Variants in PDILT observed in about 807,000 individuals in gnomAD.
PDILT encodes protein disulfide isomerase like, testis expressed.
In PDILT, 43 loss-of-function variants were observed where a neutral mutation model predicts 53.7. That is an observed-to-expected ratio of 0.80 (90% CI 0.63 to 1.03). PDILT has a LOEUF of 1.03. Ranked by LOEUF, PDILT falls within the 50% of genes least tolerant of loss-of-function variation. PDILT has a pLI of 0.00. For missense variants in PDILT, 727 were observed against 712.3 expected (o/e 1.02, Z -0.24); for synonymous variants, 282 against 274.2 (o/e 1.03, Z -0.28).
At chr16:20,395,199 G>A (rs958054096) in intron 2 of PDILT, among the ~76,000 whole-genome samples, 1 of 152,050 alleles carries the variant, frequency 6.6e-6, no homozygotes, top group Admixed American at 6.6e-5. Flanking sequence ...ACCTCCTTTT[G>A]TTTTGCTTTC....
At chr16:20,393,218 T>C (rs1282929557) in intron 2 of PDILT, among the ~76,000 whole-genome samples, 1 of 152,164 alleles carries the variant, frequency 6.6e-6, no homozygotes, top group Non-Finnish European at 1.5e-5. Flanking sequence ...CTAGTGTGGA[T>C]GAGGGATGTG....
At chr16:20,377,070 G>A (rs1966397869) in intron 3 of PDILT, among the ~76,000 whole-genome samples, 1 of 152,118 alleles carries the variant, frequency 6.6e-6, no homozygotes, top group Admixed American at 6.6e-5. Context: ...GAATCACTTG[G>A]GGCCAGGAGT....
At position 20,381,634 on chromosome 16, in the gene PDILT, CAAAAAAAAAAAAA is replaced by C. The variant is rs1034720000; in HGVS notation, c.409+2998_409+3010del. Among the ~76,000 whole-genome samples, 7 of 58,620 alleles carry C rather than the reference CAAAAAAAAAAAAA, an allele frequency of 1.2e-4. No homozygotes were observed. The East Asian group carries it at 4.3e-3, about 36-fold the overall frequency. The allele number at this position is 58,620 out of a possible 152,430, so 38.5% of individuals were successfully genotyped here. On this transcript the variant is annotated intron_variant, in intron 3 of 11. Transcript: ENST00000302451. ...CTGGCAAAACAGTGAGACTCCATCTCAAAAAAAAAAAAAAAAAAAAAGAGAAATTGGAAGCCTG... is the reference window on the plus strand; with the variant it reads ...CTGGCAAAACAGTGAGACTCCATCTCAAAAAAAAGAGAAATTGGAAGCCTG...
At chr16:20,362,608 G>A in intron 9 of PDILT, 26 bp from the exon 10 acceptor site, 1 of 1,610,850 alleles carries the variant, frequency 6.2e-7, no homozygotes, top group Non-Finnish European at 8.5e-7. Context: ...CATGGCTCAG[G>A]CTCACATTGA....
At chr16:20,383,462 C>T (rs1180627720) in intron 3 of PDILT, among the ~76,000 whole-genome samples, 1 of 132,588 alleles carries the variant, frequency 7.5e-6, no homozygotes, top group African/African-American at 2.7e-5. Flanking sequence ...CATCTCTTCT[C>T]TGGCGCCCGC....
intron 1 of PDILT, among the ~76,000 whole-genome samples, chr16:20,399,661 T>A (rs1039643271): frequency 6.6e-6 from 1 of 151,780 alleles, no homozygotes; most frequent in Non-Finnish European, 1.5e-5. Context: ...CCTCTGGATC[T>A]CAGAGATAAC....
At chr16:20,402,996 C>T (rs1966762504) in intron 1 of PDILT, among the ~76,000 whole-genome samples, 1 of 152,236 alleles carries the variant, frequency 6.6e-6, no homozygotes, top group Non-Finnish European at 1.5e-5. Flanking sequence ...ACATCAGCTC[C>T]CTACCCCCTA....
intron 9 of PDILT, among the ~76,000 whole-genome samples, chr16:20,363,941 G>A (rs1966151623): frequency 6.6e-6 from 1 of 152,088 alleles, no homozygotes; most frequent in African/African-American, 2.4e-5. Flanking sequence ...AGAGCTCAAA[G>A]CTCAGTTTCT....
rs539799189 is a variant in PDILT at position 20,359,552 on chromosome 16, G to A, written c.1522C>T (p.Gln508Ter). 2 of 1,613,848 alleles carry A rather than the reference G, an allele frequency of 1.2e-6. No homozygotes were observed. Among genetic ancestry groups the A allele is most frequent in the South Asian group, 2.2e-5 (2 of 91,036 alleles). The change falls in exon 12 of 12, where the codon CAA (glutamine) becomes TAA (stop). Residue 508 changes from glutamine (Q) to a stop codon, truncating the protein, a stop_gained. Transcript: ENST00000302451. LOFTEE classifies it low-confidence loss of function (END_TRUNC). ...ACTTCCTCTTCTATCACTTCATTTT[G>A]CTCAACAGACAACAGCTATGAAAGC... is the stretch of plus-strand genomic sequence containing the variant. Reference protein sequence around the residue: ...EDEDELLSVEQNEVIEEEVLA... With the variant: ...EDEDELLSVE
chr16:20,376,220 A>T lies in PDILT; in HGVS notation c.410-19T>A. On this transcript the variant is annotated intron_variant, in intron 3 of 11. Coordinates refer to ENST00000302451, the MANE Select transcript of PDILT (RefSeq NM_174924.2). ...ACCACTCCTGGAGAAAGACACAGTCAAATAGATACCAGAGAAGTTTCCTCT... is the reference window on the plus strand; with the variant it reads ...ACCACTCCTGGAGAAAGACACAGTCTAATAGATACCAGAGAAGTTTCCTCT... 6.2e-7 allele frequency: 1 copy of T among 1,613,572 alleles called. No individual in the cohort carries two copies. Among genetic ancestry groups the T allele is most frequent in the Non-Finnish European group, 8.5e-7 (1 of 1,179,710 alleles).
intron 7 of PDILT, among the ~76,000 whole-genome samples, chr16:20,369,960 T>C (rs1161924361): frequency 1.3e-5 from 2 of 152,214 alleles, no homozygotes; most frequent in Non-Finnish European, 2.9e-5. Context: ...GTTTCATCAG[T>C]TTCCTGATCT....
chr16:20,376,340 C>T (rs1966389266), intron 3 of PDILT, 139 bp from the exon 4 acceptor site: 2 of 932,788 alleles, frequency 2.1e-6, no homozygotes, highest in African/African-American at 1.7e-5. Context: ...TCAGTTCCTC[C>T]ATTCCCCTCT....
intron 3 of PDILT, among the ~76,000 whole-genome samples, chr16:20,377,091 T>C (rs1404984681): frequency 2.0e-5 from 3 of 152,052 alleles, no homozygotes; most frequent in African/African-American, 7.2e-5. Flanking sequence ...TTGGGACCAG[T>C]CTGGGCAACA....
intron 3 of PDILT, among the ~76,000 whole-genome samples, chr16:20,379,764 A>G (rs533307199): frequency 2.0e-4 from 30 of 152,314 alleles, no homozygotes; most frequent in African/African-American, 6.3e-4. Context: ...AAAAGCCACA[A>G]TGAGTCAAAC....
intron 5 of PDILT, 29 bp downstream of exon 5, chr16:20,374,793 T>C (rs4522429): frequency 0.87 from 1,385,438 of 1,594,980 alleles, 612,705 homozygotes; most frequent in Non-Finnish European, 0.92. Flanking sequence ...ACCAGAGACC[T>C]CTCACTAGCA....
At chr16:20,381,581 A>G (rs1376250963) in intron 3 of PDILT, among the ~76,000 whole-genome samples, 1 of 149,348 alleles carries the variant, frequency 6.7e-6, no homozygotes, top group Non-Finnish European at 1.5e-5. Flanking sequence ...GGTTGCAGTG[A>G]GCCGAGATCG....
At position 20,366,558 on chromosome 16, in the gene PDILT, G is replaced by A. The variant is rs868504028; in HGVS notation, c.1117-1018C>T. Reference sequence around the variant, plus strand: ...CCATAATAGATGGAATGTCATAAGAGATTTTTCTTTCCTCGCCATTGAGCA... The same window carrying A: ...CCATAATAGATGGAATGTCATAAGAAATTTTTCTTTCCTCGCCATTGAGCA... On this transcript the variant is annotated intron_variant, in intron 8 of 11. Transcript: ENST00000302451. Among the ~76,000 whole-genome samples the A allele has an allele frequency of 9.2e-5, 14 of 152,278 alleles. 1 individual carries two copies. The South Asian group carries it at 1.9e-3, about 20-fold the overall frequency.
At chr16:20,402,281 G>A (rs2141626858) in intron 1 of PDILT, among the ~76,000 whole-genome samples, 1 of 113,364 alleles carries the variant, frequency 8.8e-6, no homozygotes, top group South Asian at 3.6e-4. Context: ...GAGTCAGGGA[G>A]GAGTGTTGAT....
chr16:20,380,783 A>T (rs1314365665), intron 3 of PDILT, among the ~76,000 whole-genome samples: 1 of 152,254 alleles, frequency 6.6e-6, no homozygotes, highest in Admixed American at 6.5e-5. Flanking sequence ...GAATGAATGA[A>T]TGGGCTGAAT....
Sources: allele counts gnomAD v4.1 joint callset (sites outside exome capture counted in the v4.1 genomes callset), GRCh38; gene constraint gnomAD v4.1.1; transcripts MANE v1.5; gene names NCBI Gene and HGNC (gene_info 2026-07-23, HGNC 2026-07-21).